TAFA2: variants seen among roughly 807,000 people sequenced by gnomAD.
TAFA2 encodes chemokine-like protein TAFA-2.
In TAFA2, 7 loss-of-function variants were observed where a neutral mutation model predicts 18.8. The observed-to-expected ratio is 0.37, with a 90% CI of 0.21 to 0.70. The LOEUF is 0.70. TAFA2 is among the 30% of genes least tolerant of loss of function. The pLI, the probability that TAFA2 is intolerant of heterozygous loss-of-function variation, is 0.53. For synonymous variants in TAFA2, 60 were observed against 54.2 expected, an observed-to-expected ratio of 1.11 and a Z score of -0.47; for missense variants, 122 against 158.1, an observed-to-expected ratio of 0.77 and a Z score of 1.23.
chr12:61,971,110 G>T (rs1399560392), intron 1 of TAFA2, among the ~76,000 whole-genome samples: 1 of 151,572 alleles, frequency 6.6e-6, no homozygotes, highest in Non-Finnish European at 1.5e-5. Flanking sequence ...GGATTGAGTG[G>T]AAATCAAAGA....
chr12:61,947,462 A>AAAATAAAT (rs555036395), intron 1 of TAFA2, among the ~76,000 whole-genome samples: 1 of 151,300 alleles, frequency 6.6e-6, no homozygotes, highest in African/African-American at 2.5e-5. Context: ...TATAATTTAA[A>AAAATAAAT]AAATAAATAA....
intron 1 of TAFA2, among the ~76,000 whole-genome samples, chr12:62,051,877 A>G (rs973811245): frequency 5.9e-5 from 9 of 152,124 alleles, no homozygotes; most frequent in African/African-American, 2.2e-4. Context: ...GTTTTCTAAA[A>G]TGGGCCAGAT....
At chr12:61,786,293 T>C (rs1467326348) in intron 2 of TAFA2, among the ~76,000 whole-genome samples, 1 of 151,564 alleles carries the variant, frequency 6.6e-6, no homozygotes, top group Non-Finnish European at 1.5e-5. Flanking sequence ...GGTCCTGCCT[T>C]ACTTACCTGA....
intron 2 of TAFA2, among the ~76,000 whole-genome samples, chr12:61,781,335 T>C (rs1870494187): frequency 6.6e-6 from 1 of 151,790 alleles, no homozygotes; most frequent in Non-Finnish European, 1.5e-5. Context: ...CTGCCTCATC[T>C]ACCTCCAACT....
intron 2 of TAFA2, among the ~76,000 whole-genome samples, chr12:61,765,255 A>C (rs1592374375): frequency 6.6e-6 from 1 of 152,030 alleles, no homozygotes; most frequent in South Asian, 2.1e-4. Context: ...GACCTTGGAA[A>C]CCATGTGTAG....
intron 1 of TAFA2, chr12:62,258,661 T>C: frequency 8.0e-6 from 2 of 248,474 alleles, no homozygotes; most frequent in Non-Finnish European, 1.7e-5. Flanking sequence ...CATTTAATCT[T>C]CATAAAAATC....
chr12:62,016,954 G>C (rs993294687), intron 1 of TAFA2, among the ~76,000 whole-genome samples: 12 of 152,200 alleles, frequency 7.9e-5, no homozygotes, highest in African/African-American at 2.9e-4. Context: ...TCTGCAGTGA[G>C]ACAGATCAGT....
chr12:62,034,545 A>G (rs1881549975), intron 1 of TAFA2, among the ~76,000 whole-genome samples: 1 of 152,174 alleles, frequency 6.6e-6, no homozygotes, highest in Admixed American at 6.5e-5. Flanking sequence ...CAGAGGACAA[A>G]CACCTCTGCT....
chr12:62,162,997 G>A (rs1478559682), intron 1 of TAFA2, among the ~76,000 whole-genome samples: 1 of 151,824 alleles, frequency 6.6e-6, no homozygotes, highest in African/African-American at 2.4e-5. Context: ...CATGAACAAA[G>A]CACAAAGGAG....
intron 1 of TAFA2, among the ~76,000 whole-genome samples, chr12:61,895,696 C>A (rs1394778797): frequency 3.9e-5 from 6 of 152,054 alleles, no homozygotes; most frequent in Non-Finnish European, 8.8e-5. Flanking sequence ...AGAGAGTGAA[C>A]GTTTTAGAGG....
At chr12:61,874,216 C>T (rs556036204) in intron 1 of TAFA2, among the ~76,000 whole-genome samples, 1 of 152,212 alleles carries the variant, frequency 6.6e-6, no homozygotes, top group South Asian at 2.1e-4. Flanking sequence ...TTTTTACAAG[C>T]TAGTCATATG....
intron 1 of TAFA2, chr12:62,070,556 G>A (rs1188145975): frequency 6.6e-6 from 1 of 152,088 alleles, no homozygotes; most frequent in Admixed American, 6.6e-5. Flanking sequence ...AGTAGTTAGG[G>A]CTACACCTAG....
chr12:62,059,547 G>A (rs545279219), intron 1 of TAFA2, among the ~76,000 whole-genome samples: 19 of 152,032 alleles, frequency 1.2e-4, no homozygotes, highest in African/African-American at 2.9e-4. Context: ...GGGGCGGGGC[G>A]GGGGGTTGCT....
At chr12:61,721,357 A>G (rs1869888772) in intron 4 of TAFA2, among the ~76,000 whole-genome samples, 1 of 152,208 alleles carries the variant, frequency 6.6e-6, no homozygotes, top group Admixed American at 6.5e-5. Flanking sequence ...AATAAATTAT[A>G]ATTCAAAGAT....
intron 2 of TAFA2, among the ~76,000 whole-genome samples, chr12:61,780,356 A>G (rs1870452030): frequency 1.3e-5 from 2 of 151,844 alleles, no homozygotes; most frequent in African/African-American, 4.8e-5. Context: ...AAAAGAAAGC[A>G]GTGTGGAAGG....
intron 1 of TAFA2, among the ~76,000 whole-genome samples, chr12:62,135,587 AC>A (rs1408865532): frequency 6.6e-6 from 1 of 152,068 alleles, no homozygotes; most frequent in Non-Finnish European, 1.5e-5. Flanking sequence ...TTAGAAAAAA[AC>A]AGGTAATAAA....
intron 1 of TAFA2, among the ~76,000 whole-genome samples, chr12:62,012,320 C>T (rs1156368581): frequency 1.3e-5 from 2 of 151,352 alleles, no homozygotes; most frequent in Admixed American, 1.3e-4. Flanking sequence ...TAATAAAACT[C>T]TAATTTTTAT....
intron 1 of TAFA2, among the ~76,000 whole-genome samples, chr12:61,950,573 C>T (rs554086176): frequency 6.6e-6 from 1 of 151,972 alleles, no homozygotes; most frequent in South Asian, 2.1e-4. Context: ...TAGAAAAATG[C>T]CTATTCAGGT....
intron 1 of TAFA2, among the ~76,000 whole-genome samples, chr12:61,960,518 C>T (rs571695778): frequency 6.6e-6 from 1 of 152,004 alleles, no homozygotes. Flanking sequence ...GTGAGAAATG[C>T]TTTACCATTG....
Sources: gnomAD v4.1 joint callset for allele counts (sites outside exome capture counted in the v4.1 genomes callset) on GRCh38, gnomAD v4.1.1 for gene constraint, MANE v1.5 for transcripts, NCBI Gene and HGNC (gene_info 2026-07-23, HGNC 2026-07-21) for gene names.